DCAKD: variants seen among roughly 807,000 people sequenced by gnomAD.
DCAKD encodes the protein dephospho-CoA kinase domain containing, also known as dephospho-CoA kinase domain-containing protein.
A neutral mutation model predicts 18.7 loss-of-function variants in DCAKD; 15 were observed. The observed-to-expected ratio is 0.80, with a 90% CI of 0.54 to 1.24. The LOEUF (loss-of-function observed/expected upper bound fraction) is 1.24, where lower values mean the gene tolerates loss of function less well. Ranked by LOEUF, DCAKD falls within the 50% of genes most tolerant of loss-of-function variation. DCAKD has a pLI of 0.00. For synonymous variants in DCAKD, 130 were observed against 133.0 expected (o/e 0.98, Z 0.16); for missense variants, 301 against 322.0 (o/e 0.93, Z 0.50).
chr17:45,056,713 G>A (rs1443831704), intron 1 of DCAKD, among the ~76,000 whole-genome samples: 1 of 152,096 alleles, frequency 6.6e-6, no homozygotes, highest in African/African-American at 2.4e-5. Flanking sequence ...GACCTCAGGT[G>A]ATCCGCCTGC....
chr17:45,053,241 G>GTTT (rs761773614), upstream of DCAKD, among the ~76,000 whole-genome samples: 147 of 103,580 alleles, frequency 1.4e-3, 1 homozygote, highest in African/African-American at 5.2e-3. Flanking sequence ...AGTTGTTTTT[G>GTTT]TTTTTTTTTT....
chr17:45,030,246 T>C lies in DCAKD; in HGVS notation c.317-67A>G, dbSNP rs370637448. 4.3e-4 allele frequency: 622 copies of C among 1,461,682 alleles called. 3 individuals are homozygous for C. In the African/African-American group the frequency reaches 7.5e-3, roughly 18 times the overall value. The allele number at this position is 1,461,682 out of a possible 1,614,324, so 90.5% of individuals were successfully genotyped here. On this transcript the variant is annotated intron_variant, in intron 3 of 4. Transcript: ENST00000651974. ...CGCACACTGAGGACTGATGATATGC[T>C]GGGCCCCACCGTCCAGAGCGCCCAG...
At chr17:45,057,836 C>A (rs1339414279) in intron 1 of DCAKD, among the ~76,000 whole-genome samples, 1 of 150,924 alleles carries the variant, frequency 6.6e-6, no homozygotes, top group African/African-American at 2.4e-5. Flanking sequence ...CGTGGTGAAA[C>A]CCTGTCTCTA....
rs2053064281 is a variant in DCAKD, at chr17:45,026,743, TGGCCATTGTGG to T, written c.405-2030_405-2020del. 6 of 985,420 alleles carry T rather than the reference TGGCCATTGTGG, an allele frequency of 6.1e-6. No individual in the cohort carries two copies. The East Asian group carries it at 6.8e-4, about 112-fold the overall frequency. The allele number at this position is 985,420 out of a possible 1,614,324, so 61.0% of individuals were successfully genotyped here. A position where few individuals can be genotyped will look rare whatever the true frequency, so the allele number is the denominator to read the frequency against. On this transcript the variant is annotated intron_variant, in intron 4 of 4. Transcript: ENST00000651974. Reference sequence around the variant, plus strand: ...CCTCTGTTACGGGGTCAGTGTACTGTGGCCATTGTGGGGCCAATACCCACCTCGCTGAGAAC... The same window carrying T: ...CCTCTGTTACGGGGTCAGTGTACTGTGGCCAATACCCACCTCGCTGAGAAC...
intron 1 of DCAKD, among the ~76,000 whole-genome samples, chr17:45,045,982 C>A (rs2053558704): frequency 6.6e-6 from 1 of 151,764 alleles, no homozygotes; most frequent in South Asian, 2.1e-4. Context: ...TGCCACCACG[C>A]CCAGCTAATT....
intron 1 of DCAKD, among the ~76,000 whole-genome samples, chr17:45,038,141 A>G (rs966726616): frequency 2.6e-5 from 4 of 151,434 alleles, no homozygotes; most frequent in African/African-American, 7.3e-5. Context: ...CAGCGGTGCA[A>G]TCTGGGCCCA....
intron 3 of DCAKD, chr17:45,031,039 T>A (rs2053162377): frequency 1.0e-6 from 1 of 985,240 alleles, no homozygotes; most frequent in African/African-American, 1.7e-5. Flanking sequence ...CTGGGAGGGC[T>A]CCAGGAGAGC....
At chr17:45,060,982 G>C in exon 1 of DCAKD, 1 of 1,034,364 alleles carries the variant, frequency 9.7e-7, no homozygotes, top group South Asian at 3.5e-5. Flanking sequence ...TCGGATTTTG[G>C]AACCTCCACG....
At chr17:45,060,259 C>T (rs1217497087) in intron 1 of DCAKD, among the ~76,000 whole-genome samples, 1 of 152,118 alleles carries the variant, frequency 6.6e-6, no homozygotes, top group African/African-American at 2.4e-5. Context: ...TGCCGTGGCT[C>T]ACGTCTGTAA....
Position 45,049,266 on chromosome 17 carries a change from A to G in DCAKD, c.-115+2095T>C, listed in dbSNP as rs372638484. Among the ~76,000 whole-genome samples, 5 of 152,134 alleles carry G rather than the reference A, an allele frequency of 3.3e-5. No individual in the cohort carries two copies. In the East Asian group the frequency reaches 5.8e-4, roughly 18 times the overall value. ...GGCAACATAGCAAGACCTCGTCTCTACTAAAAATAAAAAGAAAAATCAGCC... is the reference window on the plus strand; with the variant it reads ...GGCAACATAGCAAGACCTCGTCTCTGCTAAAAATAAAAAGAAAAATCAGCC... On this transcript the variant is annotated intron_variant, in intron 1 of 4. Coordinates refer to ENST00000651974, the MANE Select transcript of DCAKD (RefSeq NM_001288655.2).
At chr17:45,028,956 C>T (rs933276334) in intron 4 of DCAKD, among the ~76,000 whole-genome samples, 3 of 152,118 alleles carry the variant, frequency 2.0e-5, no homozygotes, top group South Asian at 2.1e-4. Context: ...CCACCCACCT[C>T]GGCCTCCCAA....
At chr17:45,028,623 C>T (rs933378039) in intron 4 of DCAKD, among the ~76,000 whole-genome samples, 4 of 149,758 alleles carry the variant, frequency 2.7e-5, no homozygotes, top group Non-Finnish European at 5.9e-5. Flanking sequence ...TTGGTCATGC[C>T]GCTCTCGAAC....
At chr17:45,053,169 TAAAAAAAAA>T (rs760029893), upstream of DCAKD, among the ~76,000 whole-genome samples, 15,360 of 75,524 alleles carry the variant, frequency 0.2, 1,512 homozygotes, top group Middle Eastern at 0.26. Flanking sequence ...TGTCTCCAGT[TAAAAAAAAA>T]AAAAAAAAAA....
Position 45,045,632 on chromosome 17 carries a change from TGAA to T in DCAKD, c.-115+5726_-115+5728del, listed in dbSNP as rs558834421. ...CTGTAGTCCCAGCTACTTGGGAAGCTGAAGAAGGAGAATCACTTGAACCCGGGA... is the reference window on the plus strand; with the variant it reads ...CTGTAGTCCCAGCTACTTGGGAAGCTGAAGGAGAATCACTTGAACCCGGGA... On this transcript the variant is annotated intron_variant, in intron 1 of 4. Transcript: ENST00000651974. 2.8e-4 allele frequency among the ~76,000 whole-genome samples: 42 copies of T among 148,166 alleles called. 1 individual carries two copies. The highest frequency in any genetic ancestry group is 8.2e-4 in the African/African-American group (33 of 40,032).
At chr17:45,035,089 T>A in intron 1 of DCAKD, 90 bp from the exon 2 acceptor site, 1 of 566,126 alleles carries the variant, frequency 1.8e-6, no homozygotes, top group Non-Finnish European at 3.2e-6. Context: ...ACAGCTTGGC[T>A]GGGGAGGGAC....
intron 1 of DCAKD, among the ~76,000 whole-genome samples, chr17:45,037,968 C>T (rs947265036): frequency 6.9e-6 from 1 of 145,360 alleles, no homozygotes; most frequent in South Asian, 2.2e-4. Context: ...GGGGTTTCAC[C>T]ATGTTGGTCA....
intron 1 of DCAKD, among the ~76,000 whole-genome samples, chr17:45,040,070 G>A (rs142477668): frequency 0.015 from 2,333 of 151,214 alleles, 70 homozygotes; most frequent in African/African-American, 0.052. Context: ...ACTCCAGCTT[G>A]GGCAACAAAG....
intron 4 of DCAKD, among the ~76,000 whole-genome samples, chr17:45,026,166 G>A (rs190926852): frequency 1.7e-3 from 251 of 150,772 alleles, no homozygotes; most frequent in Admixed American, 0.015. Flanking sequence ...TGATCCACCC[G>A]CCTTGGCCTC....
chr17:45,055,213 G>A (rs1043330966), upstream of DCAKD, among the ~76,000 whole-genome samples: 12 of 152,148 alleles, frequency 7.9e-5, no homozygotes, highest in Non-Finnish European at 1.6e-4. Context: ...TTTATCCTGA[G>A]AGTGGCCTGC....
Sources: allele counts gnomAD v4.1 joint callset (sites outside exome capture counted in the v4.1 genomes callset), GRCh38; gene constraint gnomAD v4.1.1; transcripts MANE v1.5; gene names NCBI Gene and HGNC (gene_info 2026-07-23, HGNC 2026-07-21).